HM13: variants seen among roughly 807,000 people sequenced by gnomAD.
The protein encoded by HM13 is signal peptide peptidase.
In HM13, 18 loss-of-function variants were observed where a neutral mutation model predicts 50.0. The ratio of observed to expected loss-of-function variants is 0.36; its 90% CI spans 0.25 to 0.53. The LOEUF is 0.53. Among genes scored for constraint, HM13 ranks in the 20% least tolerant of loss-of-function variants. The pLI is 0.90. For synonymous variants in HM13, 197 were observed against 232.6 expected (o/e 0.85, Z 1.39); for missense variants, 393 against 552.4 (o/e 0.71, Z 2.89).
intron 4 of HM13, among the ~76,000 whole-genome samples, chr20:31,545,375 A>G (rs1983657077): frequency 6.6e-6 from 1 of 151,796 alleles, no homozygotes. Flanking sequence ...TAAGCACTCA[A>G]AGTCGGCCTT....
chr20:31,527,564 G>A lies in HM13; in HGVS notation c.264G>A (p.Gly88=). 1 of 1,612,544 alleles carries A rather than the reference G, an allele frequency of 6.2e-7. No homozygotes were observed. The highest frequency in any genetic ancestry group is 8.5e-7 in the Non-Finnish European group (1 of 1,179,270). Residue 88 remains glycine, a synonymous_variant, in exon 2 of 13, where the codon GGG becomes GGA. Transcript: ENST00000398174. ...TCATCGCCAGCTGCACACTCTTGGG[G>A]CTCTACCTCTTTTTCAAAGTAAGTC... ...FPIIASCTLL[G]LYLFFKIFSQ... is the part of the protein sequence containing the mutation.
chr20:31,554,630 C>A, intron 7 of HM13, 116 bp from the exon 8 acceptor site: 2 of 751,200 alleles, frequency 2.7e-6, no homozygotes, highest in Non-Finnish European at 4.3e-6. Flanking sequence ...TGCAGTGAGC[C>A]GAGATTGCGC....
At chr20:31,547,540 A>G in intron 4 of HM13, 1 of 877,890 alleles carries the variant, frequency 1.1e-6, no homozygotes, top group Non-Finnish European at 1.8e-6. Context: ...AAGTGTGTCC[A>G]ACTGCATCCA....
At chr20:31,554,980 A>T in intron 8 of HM13, 151 bp downstream of exon 8, 1 of 712,048 alleles carries the variant, frequency 1.4e-6, no homozygotes. Context: ...GTTCCCCCTT[A>T]ACATCCGTTT....
intron 3 of HM13, 183 bp downstream of exon 3, chr20:31,538,444 C>T: frequency 1.4e-6 from 2 of 1,434,004 alleles, no homozygotes; most frequent in Non-Finnish European, 1.8e-6. Flanking sequence ...CCTCTCTGGG[C>T]CACAGTTTCC....
In HM13 at chr20:31,557,549, C is replaced by G. The variant is rs574769816; in HGVS notation, c.809-2062C>G. ...GAGAACACTCGTAGAAATCAGCCGC[C>G]AGGGGGCACTGAGTTCCCAGCTTGA... On this transcript the variant is annotated intron_variant, in intron 8 of 12. Transcript: ENST00000398174. 2.5e-3 allele frequency among the ~76,000 whole-genome samples: 376 copies of G among 152,338 alleles called. 1 individual carries two copies. Among genetic ancestry groups the G allele is most frequent in the Non-Finnish European group, 4.4e-3 (298 of 68,036 alleles).
chr20:31,565,472 ACT>A (rs1386138402), intron 10 of HM13, among the ~76,000 whole-genome samples: 1 of 126,092 alleles, frequency 7.9e-6, no homozygotes, highest in Non-Finnish European at 1.6e-5. Context: ...AGAGTCAGAG[ACT>A]CTGTCTCAAA....
rs748330154 is a variant in HM13 at position 31,550,088 on chromosome 20, A to G, written c.691A>G (p.Thr231Ala). 5.0e-6 allele frequency: 8 copies of G among 1,613,574 alleles called. No individual in the cohort carries two copies. The highest frequency in any genetic ancestry group is 6.8e-6 in the Non-Finnish European group (8 of 1,179,724). The change falls in exon 7 of 13, where the codon ACA (threonine) becomes GCA (alanine). Residue 231 changes from threonine (T) to alanine (A), a missense_variant. Physicochemically the swap from Thr to Ala is moderately conservative, Grantham distance 58. This residue lies in a region of HM13 where 74 missense variants were observed against 160.4 expected (regional missense o/e 0.46). Coordinates refer to ENST00000398174, the MANE Select transcript of HM13 (RefSeq NM_178581.3). Reference protein sequence around the residue: ...FWVFGTNVMVTVAKSFEAPIK... With the variant: ...FWVFGTNVMVAVAKSFEAPIK... ...GGTATTTGGCACCAATGTGATGGTG[A>G]CAGTGGCCAAGTCCTTCGAGGCACC... is the stretch of plus-strand genomic sequence containing the variant.
chr20:31,520,110 G>A (rs1982061701), intron 1 of HM13, among the ~76,000 whole-genome samples: 1 of 151,886 alleles, frequency 6.6e-6, no homozygotes, highest in South Asian at 2.1e-4. Flanking sequence ...GCCCGCCTTG[G>A]CCTCCTAAAG....
chr20:31,540,221 A>T (rs913184888), intron 3 of HM13: 8 of 152,304 alleles, frequency 5.3e-5, no homozygotes, highest in African/African-American at 1.9e-4. Flanking sequence ...GCATCCTGAA[A>T]AATGGAGGCC....
At position 31,514,532 on chromosome 20, in the gene HM13, A is replaced by C; in HGVS notation, c.-20A>C. The C allele has an allele frequency of 6.3e-7, 1 of 1,599,238 alleles. No individual in the cohort carries two copies. Among genetic ancestry groups the C allele is most frequent in the South Asian group, 1.1e-5 (1 of 88,572 alleles). Reference sequence around the variant, plus strand: ...CTGCAGCAACCGGAGCTGGAGTCGGATCCCGAACGCACCCTCGCCATGGAC... The same window carrying C: ...CTGCAGCAACCGGAGCTGGAGTCGGCTCCCGAACGCACCCTCGCCATGGAC... On this transcript the variant is annotated 5_prime_UTR_variant, in exon 1 of 13. Coordinates refer to ENST00000398174, the MANE Select transcript of HM13 (RefSeq NM_178581.3). This position sits in a 1 kb window ranked among gnomAD's most constrained non-coding sequence, Gnocchi z 4.3.
At chr20:31,527,831 T>C (rs1982588041) in intron 2 of HM13, 2 of 457,168 alleles carry the variant, frequency 4.4e-6, no homozygotes, top group Admixed American at 4.0e-5. Flanking sequence ...TTTGGTTTCA[T>C]TGTACTGTTT....
chr20:31,535,297 T>C (rs1254309748), intron 2 of HM13: 1 of 152,180 alleles, frequency 6.6e-6, no homozygotes, highest in Non-Finnish European at 1.5e-5. Context: ...AAAAATTAAA[T>C]CCAACAGCAT....
intron 3 of HM13, among the ~76,000 whole-genome samples, chr20:31,544,545 T>C (rs1319973660): frequency 2.0e-5 from 3 of 152,232 alleles, no homozygotes; most frequent in African/African-American, 4.8e-5. Flanking sequence ...ACTTGATAGG[T>C]TTGGAAGGGA....
chr20:31,517,264 G>A (rs778804673), intron 1 of HM13, among the ~76,000 whole-genome samples: 16 of 152,152 alleles, frequency 1.1e-4, no homozygotes, highest in Admixed American at 3.9e-4. Flanking sequence ...GTGAAATCAT[G>A]GAGAGAAAGA....
chr20:31,548,662 AT>A (rs776634435), intron 4 of HM13: 47 of 301,348 alleles, frequency 1.6e-4, no homozygotes, highest in Non-Finnish European at 2.5e-4. Context: ...GGGTGCTGTT[AT>A]CCCCTTTTTA....
At chr20:31,558,049 C>A (rs1004292447) in intron 8 of HM13, among the ~76,000 whole-genome samples, 1 of 152,218 alleles carries the variant, frequency 6.6e-6, no homozygotes, top group Non-Finnish European at 1.5e-5. Flanking sequence ...AAATGAGACT[C>A]AGAGCCCAGA....
At chr20:31,527,626 T>C in intron 2 of HM13, 44 bp downstream of exon 2, 1 of 1,302,050 alleles carries the variant, frequency 7.7e-7, no homozygotes. Flanking sequence ...CTAAATGACT[T>C]TATCTTATTT....
intron 11 of HM13, 123 bp from the exon 12 acceptor site, chr20:31,567,955 G>T: frequency 2.4e-6 from 2 of 846,894 alleles, no homozygotes; most frequent in Non-Finnish European, 1.8e-6. Flanking sequence ...AAATCTGGAA[G>T]TGCAAAAATA....
Sources: allele counts gnomAD v4.1 joint callset (sites outside exome capture counted in the v4.1 genomes callset), GRCh38; gene constraint gnomAD v4.1.1; regional missense constraint gnomAD v4.1.1; non-coding constraint Gnocchi (gnomAD v3.1); transcripts MANE v1.5; gene names NCBI Gene and HGNC (gene_info 2026-07-23, HGNC 2026-07-21).